The following HP1BP3 variants were observed in gnomAD, a reference collection of about 807,000 sequenced individuals.
The protein encoded by HP1BP3 is heterochromatin protein 1-binding protein 3.
HP1BP3 carries 12 observed loss-of-function variants against 62.5 expected under a neutral mutation model. That is an observed-to-expected ratio of 0.19 (90% CI 0.12 to 0.31). The LOEUF is 0.31. HP1BP3 is among the 10% of genes least tolerant of loss of function. The pLI is 1.00. For synonymous variants in HP1BP3, 260 were observed against 237.8 expected, an observed-to-expected ratio of 1.09 and a Z score of -0.86; for missense variants, 502 against 651.8, an observed-to-expected ratio of 0.77 and a Z score of 2.50.
At chr1:20,769,142 T>C (rs2056932491) in intron 6 of HP1BP3, among the ~76,000 whole-genome samples, 1 of 152,192 alleles carries the variant, frequency 6.6e-6, no homozygotes, top group African/African-American at 2.4e-5. Flanking sequence ...CATGCTGGAG[T>C]GCAGTGGCAC....
rs755353680 is a variant in HP1BP3 at position 20,779,900 on chromosome 1, A to G, written c.108T>C (p.Asp36=). 96 of 1,611,240 alleles carry G rather than the reference A, an allele frequency of 6.0e-5. No individual in the cohort carries two copies. The highest frequency in any genetic ancestry group is 7.9e-5 in the Non-Finnish European group (93 of 1,178,974). Residue 36 remains aspartate (D), a synonymous_variant, in exon 3 of 13, where the codon GAT becomes GAC. Transcript: ENST00000438032. The part of the protein sequence containing the change: ...HADKLGEKVE[D]STMPIRRTVN... ...CAGTTCGACGAATCGGCATGGTGCT[A>G]TCTTCTACCTTCTAAGAAAAGAGAT...
In HP1BP3 at chr1:20,744,445, A is replaced by G; in HGVS notation, c.*352T>C. On this transcript the variant is annotated 3_prime_UTR_variant, in exon 13 of 13. Coordinates refer to ENST00000438032, the MANE Select transcript of HP1BP3 (RefSeq NM_001372052.1). Reference sequence around the variant, plus strand: ...GTTCTTGATGCTTTCTACAAATATAAAAATCTCTGCAACTGTTTAGATAAA... The same window carrying G: ...GTTCTTGATGCTTTCTACAAATATAGAAATCTCTGCAACTGTTTAGATAAA... The G allele has an allele frequency of 5.0e-6, 1 of 199,054 alleles. No individual in the cohort carries two copies. The highest frequency in any genetic ancestry group is 1.0e-5 in the Non-Finnish European group (1 of 97,996). 12.3% of individuals were successfully genotyped at this position (199,054 alleles called of 1,614,324 possible).
intron 3 of HP1BP3, 146 bp downstream of exon 3, chr1:20,779,666 T>C (rs1322235255): frequency 1.4e-5 from 7 of 510,582 alleles, no homozygotes; most frequent in African/African-American, 1.0e-4. Flanking sequence ...GACATACCAA[T>C]AGCTACTGAT....
chr1:20,748,716 C>G (rs939353545), intron 10 of HP1BP3, among the ~76,000 whole-genome samples: 1 of 151,826 alleles, frequency 6.6e-6, no homozygotes, highest in Admixed American at 6.6e-5. Context: ...GAGCCAAGAT[C>G]GCACCACTGC....
At chr1:20,763,365 C>G (rs573796543) in intron 8 of HP1BP3, among the ~76,000 whole-genome samples, 2 of 152,310 alleles carry the variant, frequency 1.3e-5, no homozygotes, top group South Asian at 4.1e-4. Context: ...AATATCAGCA[C>G]ATTAATTTAG....
intron 1 of HP1BP3, among the ~76,000 whole-genome samples, chr1:20,784,144 C>G (rs1480157067): frequency 6.6e-6 from 1 of 151,928 alleles, no homozygotes; most frequent in Admixed American, 6.6e-5. Flanking sequence ...TAATTTTTCT[C>G]TTTTTTGTAT....
chr1:20,769,853 T>C (rs1409934450), intron 6 of HP1BP3, among the ~76,000 whole-genome samples: 3 of 152,180 alleles, frequency 2.0e-5, no homozygotes, highest in Non-Finnish European at 4.4e-5. Context: ...TGCAATTAAG[T>C]ACTAGTTGGA....
intron 7 of HP1BP3, among the ~76,000 whole-genome samples, chr1:20,765,913 C>T (rs977313396): frequency 6.9e-6 from 1 of 145,172 alleles, no homozygotes; most frequent in Non-Finnish European, 1.5e-5. Flanking sequence ...TGCAGTGATG[C>T]AAGATGGAGC....
At position 20,748,616 on chromosome 1, in the gene HP1BP3, CA is replaced by C. The variant is rs759640873; in HGVS notation, c.1142-962del. On this transcript the variant is annotated intron_variant, in intron 10 of 12. Transcript: ENST00000438032. ...ATAATACAAAAACAAAAAAATTAGC[CA>C]GGGGTGGTGGCAGGTGCCTGTAGTC... Among the ~76,000 whole-genome samples the C allele has an allele frequency of 2.6e-5, 4 of 152,136 alleles. No individual in the cohort carries two copies. The South Asian group carries it at 6.2e-4, about 24-fold the overall frequency.
chr1:20,749,657 C>T, intron 10 of HP1BP3, 66 bp downstream of exon 10: 2 of 1,466,242 alleles, frequency 1.4e-6, no homozygotes, highest in Non-Finnish European at 1.9e-6. Flanking sequence ...CAGTGCCTGG[C>T]CCTCCACGGT....
chr1:20,744,980 G>A lies in HP1BP3; in HGVS notation c.1479C>T (p.Pro493=). 5 of 1,614,176 alleles carry A rather than the reference G, an allele frequency of 3.1e-6. No homozygotes were observed. The highest frequency in any genetic ancestry group is 4.2e-6 in the Non-Finnish European group (5 of 1,180,032). ...CCTTAGGAGGTGCTTTCTTAGGCAA[G>A]GGCCTAGCTTTCCCCCGCTGGGCAG... ...VSAAQRGKAR[P]LPKKAPPKAK... The change falls in exon 13 of 13, where the codon CCC becomes CCT. Residue 493 remains proline (P), a synonymous_variant. Transcript: ENST00000438032.
chr1:20,759,973 C>T (rs977698276), intron 8 of HP1BP3, among the ~76,000 whole-genome samples: 2 of 149,850 alleles, frequency 1.3e-5, no homozygotes, highest in Non-Finnish European at 3.0e-5. Flanking sequence ...ACTGCAACCT[C>T]TGCCTCCTGG....
chr1:20,786,888 G>C (rs1450991752), intron 1 of HP1BP3, among the ~76,000 whole-genome samples: 1 of 152,126 alleles, frequency 6.6e-6, no homozygotes, highest in Admixed American at 6.5e-5. Flanking sequence ...GGGTCGCACG[G>C]CCAGAGAAGA....
intron 8 of HP1BP3, among the ~76,000 whole-genome samples, chr1:20,763,253 T>C (rs2056588513): frequency 6.6e-6 from 1 of 152,226 alleles, no homozygotes; most frequent in Non-Finnish European, 1.5e-5. Context: ...TGTTAAAGAA[T>C]AGTGAAATAT....
Position 20,773,585 on chromosome 1 carries a change from C to T in HP1BP3, c.376G>A (p.Glu126Lys). The T allele has an allele frequency of 6.2e-7, 1 of 1,608,036 alleles. No individual in the cohort carries two copies. Among genetic ancestry groups the T allele is most frequent in the Non-Finnish European group, 8.5e-7 (1 of 1,176,534 alleles). ...GGAATTGTTTTTTTCACTTTCTTCT[C>T]CTTTTCTTTAGACTGATCTTTCTCA... is the stretch of plus-strand genomic sequence containing the variant. ...KDEKDQSKEKEKKVKKTIPSW... is the reference protein window; with the variant it reads ...KDEKDQSKEKKKKVKKTIPSW... The change falls in exon 5 of 13, where the codon GAG becomes AAG. Residue 126 changes from glutamate to lysine, a missense_variant. By Grantham distance (56) the Glu-to-Lys change is moderately conservative. This residue lies in a region of HP1BP3 where 165 missense variants were observed against 156.4 expected (regional missense o/e 1.05). Transcript: ENST00000438032.
intron 1 of HP1BP3, among the ~76,000 whole-genome samples, chr1:20,781,058 A>G (rs751918847): frequency 6.6e-6 from 1 of 152,194 alleles, no homozygotes; most frequent in Non-Finnish European, 1.5e-5. Context: ...GACCCACAGA[A>G]GCAAATTTAG....
At chr1:20,760,750 C>T (rs1291567529) in intron 8 of HP1BP3, among the ~76,000 whole-genome samples, 2 of 152,058 alleles carry the variant, frequency 1.3e-5, no homozygotes, top group East Asian at 1.9e-4. Context: ...ACAGGAAAAT[C>T]GCTTGAACCG....
chr1:20,754,767 C>T (rs1218866535), intron 9 of HP1BP3, among the ~76,000 whole-genome samples: 1 of 152,156 alleles, frequency 6.6e-6, no homozygotes, highest in Non-Finnish European at 1.5e-5. Context: ...AATAATCACA[C>T]ACCCACATGC....
At position 20,779,929 on chromosome 1, in the gene HP1BP3, C is replaced by T. The variant is rs1209354581; in HGVS notation, c.97-18G>A. The T allele has an allele frequency of 1.3e-6, 2 of 1,571,020 alleles. No individual in the cohort carries two copies. The highest frequency in any genetic ancestry group is 2.7e-5 in the African/African-American group (2 of 73,828). On this transcript the variant is annotated intron_variant, in intron 2 of 12. Transcript: ENST00000438032. ...TCTACCTTCTAAGAAAAGAGATGGCCATAATCAAACATGCATTAAAAAATT... is the reference window on the plus strand; with the variant it reads ...TCTACCTTCTAAGAAAAGAGATGGCTATAATCAAACATGCATTAAAAAATT...
Sources: allele counts gnomAD v4.1 joint callset (sites outside exome capture counted in the v4.1 genomes callset), GRCh38; gene constraint gnomAD v4.1.1; regional missense constraint gnomAD v4.1.1; transcripts MANE v1.5; gene names NCBI Gene and HGNC (gene_info 2026-07-23, HGNC 2026-07-21).